KIF27: variants seen among roughly 807,000 people sequenced by gnomAD.
KIF27 encodes kinesin family member 27, also known as kinesin-like protein KIF27.
KIF27 carries 84 observed loss-of-function variants against 141.8 expected under a neutral mutation model. The observed-to-expected ratio is 0.59, with a 90% CI of 0.50 to 0.71. The LOEUF is 0.71. Among genes scored for constraint, KIF27 ranks in the 30% least tolerant of loss-of-function variants. The pLI, the probability that KIF27 is intolerant of heterozygous loss-of-function variation, is 0.00. For missense variants in KIF27, 1,306 were observed against 1,628.4 expected (o/e 0.80, Z 3.41); for synonymous variants, 471 against 569.5 (o/e 0.83, Z 2.46).
intron 16 of KIF27, among the ~76,000 whole-genome samples, chr9:83,845,829 A>G: frequency 6.6e-6 from 1 of 152,208 alleles, no homozygotes. Context: ...GGTGACAAAG[A>G]ATTTTGGGGA....
intron 16 of KIF27, among the ~76,000 whole-genome samples, chr9:83,847,199 G>A (rs1947394167): frequency 6.6e-6 from 1 of 152,116 alleles, no homozygotes; most frequent in Non-Finnish European, 1.5e-5. Flanking sequence ...AGAAGAAGGT[G>A]GTCATCAATA....
chr9:83,913,417 C>T (rs1955380146), intron 2 of KIF27, among the ~76,000 whole-genome samples: 1 of 151,912 alleles, frequency 6.6e-6, no homozygotes, highest in African/African-American at 2.4e-5. Flanking sequence ...ATAAAATGCT[C>T]ACTAAAACAT....
At chr9:83,911,325 G>T (rs544107031) in intron 2 of KIF27, among the ~76,000 whole-genome samples, 35 of 152,272 alleles carry the variant, frequency 2.3e-4, no homozygotes, top group African/African-American at 7.2e-4. Flanking sequence ...CCACCTCCTG[G>T]GTTCAAGCGA....
At chr9:83,845,141 GA>G (rs1947094788) in intron 16 of KIF27, among the ~76,000 whole-genome samples, 1 of 152,194 alleles carries the variant, frequency 6.6e-6, no homozygotes, top group South Asian at 2.1e-4. Context: ...CCCCATAAGT[GA>G]ATCACAGTGG....
intron 11 of KIF27, among the ~76,000 whole-genome samples, chr9:83,876,502 A>G (rs1006800096): frequency 6.6e-6 from 1 of 152,244 alleles, no homozygotes; most frequent in Non-Finnish European, 1.5e-5. Context: ...AGAGCAATCT[A>G]GAGATTCAAC....
intron 2 of KIF27, among the ~76,000 whole-genome samples, chr9:83,913,461 C>T (rs1312075505): frequency 1.3e-5 from 2 of 150,904 alleles, no homozygotes; most frequent in Non-Finnish European, 3.0e-5. Flanking sequence ...TTTTTTGAGA[C>T]AGAGTTTGGT....
In KIF27 at chr9:83,870,599, G is replaced by A. The variant is rs757194972; in HGVS notation, c.2677C>T (p.Leu893=). Residue 893 remains leucine (L), a synonymous_variant, in exon 12 of 18, where the codon CTA becomes TTA. Coordinates refer to ENST00000297814, the MANE Select transcript of KIF27 (RefSeq NM_017576.4). ...TCAAGGTCCTCAGCTTTCGGTTTTA[G>A]ACCTTCTTCCTGTCCTGTTTTTAAT... is the stretch of plus-strand genomic sequence containing the variant. ...IQLKTGQEEG[L]KPKAEDLDAC... is the part of the protein sequence containing the mutation. 1.2e-6 allele frequency: 2 copies of A among 1,613,450 alleles called. No individual in the cohort carries two copies. Among genetic ancestry groups the A allele is most frequent in the African/African-American group, 2.7e-5 (2 of 74,796 alleles).
intron 12 of KIF27, among the ~76,000 whole-genome samples, chr9:83,869,128 T>A (rs1371600605): frequency 6.6e-6 from 1 of 152,186 alleles, no homozygotes; most frequent in African/African-American, 2.4e-5. Flanking sequence ...TGATGACATT[T>A]CTGGGTGGAA....
intron 3 of KIF27, 48 bp downstream of exon 3, chr9:83,908,404 G>T: frequency 9.1e-7 from 1 of 1,103,972 alleles, no homozygotes; most frequent in Non-Finnish European, 1.3e-6. Context: ...AAGCATTAAA[G>T]CATGTCTGTT....
At chr9:83,851,239 C>G (rs1948549463) in intron 15 of KIF27, among the ~76,000 whole-genome samples, 1 of 152,090 alleles carries the variant, frequency 6.6e-6, no homozygotes, top group South Asian at 2.1e-4. Flanking sequence ...AACTTTATTT[C>G]TCTAGTCTAA....
Position 83,884,036 on chromosome 9 carries a change from T to C in KIF27, c.2240-18A>G. On this transcript the variant is annotated intron_variant, in intron 9 of 17. Transcript: ENST00000297814. ...ATCATTACCTTAACCGTAATAATAA[T>C]TATTATTAGTATAAATTATGTAAAA... The C allele has an allele frequency of 6.8e-7, 1 of 1,470,202 alleles. No individual in the cohort carries two copies. Among genetic ancestry groups the C allele is most frequent in the Non-Finnish European group, 9.3e-7 (1 of 1,077,134 alleles). The allele number at this position is 1,470,202 out of a possible 1,614,324, so 91.1% of individuals were successfully genotyped here. A position where few individuals can be genotyped will look rare whatever the true frequency, so the allele number is the denominator to read the frequency against.
rs756736442 is a variant in KIF27 at position 83,837,284 on chromosome 9, G to A, written c.3923C>T (p.Ser1308Phe). ...DIPELPPIHS[S>F]LAPPSGHMLG... ...CATATGCCCACTGGGGGGTGCTAAA[G>A]AACTATGAATTGGAGGTAATTCTGG... The change falls in exon 18 of 18, where the codon TCT (serine) becomes TTT (phenylalanine). Residue 1308 changes from serine to phenylalanine, a missense_variant. Coordinates refer to ENST00000297814, the MANE Select transcript of KIF27 (RefSeq NM_017576.4). 31 of 1,607,396 alleles carry A rather than the reference G, an allele frequency of 1.9e-5. No individual in the cohort carries two copies. Among genetic ancestry groups the A allele is most frequent in the Non-Finnish European group, 2.5e-5 (29 of 1,175,436 alleles).
chr9:83,880,318 C>T lies in KIF27; in HGVS notation c.2622G>A (p.Lys874=). ...TTACTTTGATTTTTTGCTGGTCCCGCTTAATTACTGCATCCAGTTGCTTCC... is the reference window on the plus strand; with the variant it reads ...TTACTTTGATTTTTTGCTGGTCCCGTTTAATTACTGCATCCAGTTGCTTCC... The part of the protein sequence containing the change: ...EKRKQLDAVI[K]RDQQKIKEIQ... Residue 874 remains lysine, a synonymous_variant, in exon 11 of 18, where the codon AAG becomes AAA. Transcript: ENST00000297814. The T allele has an allele frequency of 6.2e-7, 1 of 1,613,808 alleles. No individual in the cohort carries two copies. The highest frequency in any genetic ancestry group is 8.5e-7 in the Non-Finnish European group (1 of 1,179,808).
chr9:83,874,051 CAA>C (rs10708977), intron 11 of KIF27, among the ~76,000 whole-genome samples: 1 of 147,504 alleles, frequency 6.8e-6, no homozygotes. Flanking sequence ...GACTCCGTGT[CAA>C]AAAAAAAAAG....
chr9:83,837,015 C>T lies in KIF27; in HGVS notation c.4192G>A (p.Asp1398Asn). Reference sequence around the variant, plus strand: ...TTATTCAATGTCTAAGTTTTTAAGTCCCTTGGTTTCCTAGATACTTCGATG... The same window carrying T: ...TTATTCAATGTCTAAGTTTTTAAGTTCCTTGGTTTCCTAGATACTTCGATG... ...DSIEVSRKPR[D>N]LKT The change falls in exon 18 of 18, where the codon GAC (aspartate) becomes AAC (asparagine). Residue 1398 changes from aspartate (D) to asparagine (N), a missense_variant. Coordinates refer to ENST00000297814, the MANE Select transcript of KIF27 (RefSeq NM_017576.4). The T allele has an allele frequency of 6.2e-7, 1 of 1,613,884 alleles. No individual in the cohort carries two copies.
chr9:83,834,679 A>C lies in KIF27; in HGVS notation c.*2322T>G, dbSNP rs1307880186. Among the ~76,000 whole-genome samples, 1 of 151,690 alleles carries C rather than the reference A, an allele frequency of 6.6e-6. No individual in the cohort carries two copies. The highest frequency in any genetic ancestry group is 2.4e-5 in the African/African-American group (1 of 41,376). On this transcript the variant is annotated 3_prime_UTR_variant, in exon 18 of 18. Transcript: ENST00000297814. ...CTAAATAACGCATAGCACATTACTT[A>C]ATCTTATAAGGAACTTATTATTAGG...
Position 83,899,719 on chromosome 9 carries a change from T to C in KIF27, c.1544A>G (p.Gln515Arg). The C allele has an allele frequency of 6.2e-7, 1 of 1,613,660 alleles. No homozygotes were observed. Among genetic ancestry groups the C allele is most frequent in the Non-Finnish European group, 8.5e-7 (1 of 1,179,638 alleles). Residue 515 changes from glutamine to arginine, a missense_variant, in exon 5 of 18, where the codon CAG (glutamine) becomes CGG (arginine). Gln to Arg is a conservative substitution (Grantham distance 43, BLOSUM62 1). Around this residue, in one of 4 missense-constraint regions of KIF27, gnomAD observed 29 missense variants for 60.3 expected, o/e 0.48. Coordinates refer to ENST00000297814, the MANE Select transcript of KIF27 (RefSeq NM_017576.4). The part of the protein sequence containing the change: ...ELKNQVQMMV[Q>R]ENKGHAVSLK... ...AGATACAGCATGCCCTTTGTTTTCC[T>C]GTACCATCATCTGCACTTGATTCTT...
At chr9:83,904,375 CT>C (rs5898838) in intron 3 of KIF27, among the ~76,000 whole-genome samples, 12 of 150,040 alleles carry the variant, frequency 8.0e-5, no homozygotes, top group East Asian at 2.0e-4. Flanking sequence ...TAGATTAATC[CT>C]TTTTTTTTTC....
intron 16 of KIF27, among the ~76,000 whole-genome samples, chr9:83,846,911 G>C (rs575018497): frequency 3.4e-4 from 51 of 152,072 alleles, no homozygotes; most frequent in Non-Finnish European, 6.9e-4. Context: ...GTGTTGGCTG[G>C]GGTGACTGAC....
Sources: gnomAD v4.1 joint callset for allele counts (sites outside exome capture counted in the v4.1 genomes callset) on GRCh38, gnomAD v4.1.1 for gene constraint, gnomAD v4.1.1 regional missense constraint, MANE v1.5 for transcripts, NCBI Gene and HGNC (gene_info 2026-07-23, HGNC 2026-07-21) for gene names.